SUV39H1: variants seen among roughly 807,000 people sequenced by gnomAD.
The protein encoded by SUV39H1 is histone-lysine N-methyltransferase SUV39H1.
For synonymous variants in SUV39H1, 141 were observed against 150.5 expected (o/e 0.94, Z 0.46); for missense variants, 180 against 386.3 (o/e 0.47, Z 4.48).
intron 3 of SUV39H1, among the ~76,000 whole-genome samples, chrX:48,705,002 G>C (rs142608071): frequency 8.9e-6 from 1 of 112,302 alleles, no homozygotes; most frequent in African/African-American, 3.2e-5. Context: ...AGTGTGGCCC[G>C]AGGCAGGGTA....
upstream of SUV39H1, chrX:48,696,608 G>A (rs1479473594): frequency 7.1e-5 from 39 of 553,047 alleles, 1 homozygote; most frequent in Non-Finnish European, 8.7e-5. Context: ...GCGAGCACCC[G>A]CCTCCGGGAC....
chrX:48,702,993 A>G (rs1245121956), intron 3 of SUV39H1, among the ~76,000 whole-genome samples: 1 of 112,022 alleles, frequency 8.9e-6, no homozygotes. Context: ...ACTACTCATC[A>G]GCAATCACTA....
chrX:48,706,039 T>G (rs1218603614), intron 3 of SUV39H1, among the ~76,000 whole-genome samples: 1 of 112,830 alleles, frequency 8.9e-6, no homozygotes, highest in African/African-American at 3.2e-5. Flanking sequence ...CAGCCTGCAC[T>G]CACCGCCAGG....
chrX:48,706,602 G>A lies in SUV39H1; in HGVS notation c.1080G>A (p.Glu360=). Residue 360 remains glutamate, a synonymous_variant, in exon 5 of 6, where the codon GAG becomes GAA. Coordinates refer to ENST00000376687, the MANE Select transcript of SUV39H1 (RefSeq NM_003173.4). ...CAAGAACCATCCGGGCAGGCGAGGA[G>A]CTCACCTTTGATTACAACATGCAAG... ...FATRTIRAGE[E]LTFDYNMQVD... 1 of 1,208,988 alleles carries A rather than the reference G, an allele frequency of 8.3e-7. No homozygotes were observed. Among genetic ancestry groups the A allele is most frequent in the Non-Finnish European group, 1.1e-6 (1 of 893,925 alleles).
At chrX:48,706,791 C>T (rs2062492460) in intron 5 of SUV39H1, among the ~76,000 whole-genome samples, 164 bp downstream of exon 5, 1 of 111,235 alleles carries the variant, frequency 9.0e-6, no homozygotes, top group Non-Finnish European at 1.9e-5. Flanking sequence ...TACTAGACCC[C>T]TGCCTACCCC....
In SUV39H1 at chrX:48,707,489, T is replaced by A; in HGVS notation, c.1158T>A (p.Ala386=). The A allele has an allele frequency of 8.3e-7, 1 of 1,210,466 alleles. No homozygotes were observed. Among genetic ancestry groups the A allele is most frequent in the Non-Finnish European group, 1.1e-6 (1 of 894,805 alleles). ...STRMDSNFGL[A]GLPGSPKKRV... Reference sequence around the variant, plus strand: ...GCATGGACTCCAACTTTGGCCTGGCTGGGCTCCCTGGCTCCCCTAAGAAGC... The same window carrying A: ...GCATGGACTCCAACTTTGGCCTGGCAGGGCTCCCTGGCTCCCCTAAGAAGC... The change falls in exon 6 of 6, where the codon GCT becomes GCA. Residue 386 remains alanine (A), a synonymous_variant. Coordinates refer to ENST00000376687, the MANE Select transcript of SUV39H1 (RefSeq NM_003173.4).
intron 2 of SUV39H1, 68 bp from the exon 3 acceptor site, chrX:48,700,023 C>T (rs1602184967): frequency 1.0e-6 from 1 of 970,488 alleles, no homozygotes; most frequent in East Asian, 3.4e-5. Flanking sequence ...GGGATGGAAG[C>T]CCCATGAAGG....
At chrX:48,695,777 T>C (rs1557008433), upstream of SUV39H1, 8 of 1,154,480 alleles carry the variant, frequency 6.9e-6, no homozygotes, top group South Asian at 1.9e-5. Flanking sequence ...TCTGCCCTGA[T>C]AGAATCTCAG....
At chrX:48,700,808 G>A in intron 3 of SUV39H1, 55 bp downstream of exon 3, 2 of 1,159,632 alleles carry the variant, frequency 1.7e-6, no homozygotes, top group Middle Eastern at 2.3e-4. Context: ...TGTGTTCACA[G>A]TGTGCACCCG....
At chrX:48,696,540 C>G (rs2062455778), upstream of SUV39H1, 1 of 312,625 alleles carries the variant, frequency 3.2e-6, no homozygotes, top group African/African-American at 2.9e-5. Flanking sequence ...GCAACTTTAG[C>G]TACCGCCGCT....
In SUV39H1 at chrX:48,707,625, C is replaced by A. The variant is rs1304885370; in HGVS notation, c.*55C>A. The A allele has an allele frequency of 8.4e-7, 1 of 1,187,397 alleles. No individual in the cohort carries two copies. The highest frequency in any genetic ancestry group is 1.8e-5 in the African/African-American group (1 of 56,679). ...AGGGGGCCTGAAGCTACATGCACCT[C>A]CCCCACTGCTGCCCTCCTGTCGAGA... On this transcript the variant is annotated 3_prime_UTR_variant, in exon 6 of 6. Coordinates refer to ENST00000376687, the MANE Select transcript of SUV39H1 (RefSeq NM_003173.4).
At chrX:48,704,241 G>C (rs1557009776) in intron 3 of SUV39H1, among the ~76,000 whole-genome samples, 1 of 111,939 alleles carries the variant, frequency 8.9e-6, no homozygotes, top group Non-Finnish European at 1.9e-5. Context: ...AAGGAACCAA[G>C]AAGTGTTTGT....
chrX:48,704,192 T>A (rs187958187), intron 3 of SUV39H1, among the ~76,000 whole-genome samples: 12 of 111,527 alleles, frequency 1.1e-4, no homozygotes, highest in African/African-American at 3.9e-4. Flanking sequence ...CTTTCAGGGT[T>A]GACCAATCAT....
At chrX:48,704,086 G>A (rs985663621) in intron 3 of SUV39H1, among the ~76,000 whole-genome samples, 1 of 108,683 alleles carries the variant, frequency 9.2e-6, no homozygotes, top group Non-Finnish European at 1.9e-5. Context: ...TCCCATTCAC[G>A]TCAGCACCCT....
Position 48,698,968 on chromosome X carries a change from C to G in SUV39H1, c.86C>G (p.Ser29Cys), listed in dbSNP as rs782245090. Residue 29 changes from serine (S) to cysteine (C), a missense_variant, in exon 2 of 6, where the codon TCC (serine) becomes TGC (cysteine). Physicochemically the swap from Ser to Cys is moderately radical, Grantham distance 112. Transcript: ENST00000376687. ...LQDLCRLAKL[S>C]CPALGISKRN... is the part of the protein sequence containing the mutation. Reference sequence around the variant, plus strand: ...GACCTGTGCCGCCTGGCCAAGCTCTCCTGCCCTGCCCTCGGTATCTCTAAG... The same window carrying G: ...GACCTGTGCCGCCTGGCCAAGCTCTGCTGCCCTGCCCTCGGTATCTCTAAG... 8.3e-7 allele frequency: 1 copy of G among 1,210,207 alleles called. No individual in the cohort carries two copies. The highest frequency in any genetic ancestry group is 2.2e-5 in the Admixed American group (1 of 45,910).
At chrX:48,703,341 C>T (rs2062480888) in intron 3 of SUV39H1, among the ~76,000 whole-genome samples, 2 of 111,578 alleles carry the variant, frequency 1.8e-5, no homozygotes, top group South Asian at 7.5e-4. Flanking sequence ...TCTGTAGTGC[C>T]GTCCCAGATG....
At chrX:48,704,370 G>T (rs2062484306) in intron 3 of SUV39H1, among the ~76,000 whole-genome samples, 1 of 111,336 alleles carries the variant, frequency 9.0e-6, no homozygotes, top group Non-Finnish European at 1.9e-5. Context: ...GCTCAAGGAG[G>T]GCCTACGGTG....
At chrX:48,698,401 A>C (rs1341337833) in intron 1 of SUV39H1, among the ~76,000 whole-genome samples, 3 of 111,487 alleles carry the variant, frequency 2.7e-5, no homozygotes, top group Non-Finnish European at 5.7e-5. Flanking sequence ...TCCAAAACAC[A>C]TCTGGCCCAG....
rs1234426392 is a variant in SUV39H1 at position 48,706,492 on chromosome X, G to A, written c.976-6G>A. The A allele has an allele frequency of 2.5e-6, 3 of 1,196,554 alleles. No individual in the cohort carries two copies. The highest frequency in any genetic ancestry group is 3.6e-5 in the South Asian group (2 of 54,916). On this transcript the variant is annotated splice_polypyrimidine_tract_variant and splice_region_variant and intron_variant, in intron 4 of 5. Transcript: ENST00000376687. Reference sequence around the variant, plus strand: ...CTCACTCTCCCAACTGTTCTTTCTCGCCCAGTGTGACCCCAACCTGCAGGT... The same window carrying A: ...CTCACTCTCCCAACTGTTCTTTCTCACCCAGTGTGACCCCAACCTGCAGGT...
Sources: allele counts gnomAD v4.1 joint callset (sites outside exome capture counted in the v4.1 genomes callset), GRCh38; gene constraint gnomAD v4.1.1; transcripts MANE v1.5; gene names NCBI Gene and HGNC (gene_info 2026-07-23, HGNC 2026-07-21).